The following CABCOCO1 variants were observed in gnomAD, a reference collection of about 807,000 sequenced individuals.
CABCOCO1 encodes the protein ciliary associated calcium binding coiled-coil 1.
A neutral mutation model predicts 35.7 loss-of-function variants in CABCOCO1; 28 were observed. The ratio of observed to expected loss-of-function variants is 0.78; its 90% CI spans 0.58 to 1.07. The LOEUF is 1.07. Ranked by LOEUF, CABCOCO1 falls within the 50% of genes least tolerant of loss-of-function variation. The probability of loss-of-function intolerance (pLI) is 0.00; values close to 1 mark genes in which losing one functional copy is unlikely to be tolerated. For synonymous variants in CABCOCO1, 95 were observed against 100.1 expected (o/e 0.95, Z 0.30); for missense variants, 326 against 309.2 (o/e 1.05, Z -0.41).
chr10:61,668,443 T>G (rs1372149629), intron 1 of CABCOCO1, among the ~76,000 whole-genome samples: 1 of 152,038 alleles, frequency 6.6e-6, no homozygotes, highest in African/African-American at 2.4e-5. Flanking sequence ...ACTACAAGTG[T>G]AAAACCATCT....
chr10:61,670,407 A>C (rs952712474), intron 1 of CABCOCO1, among the ~76,000 whole-genome samples: 4 of 152,076 alleles, frequency 2.6e-5, no homozygotes, highest in Non-Finnish European at 5.9e-5. Context: ...AGTTTAGATT[A>C]ATTGGCCCAC....
chr10:61,675,262 G>A (rs894052395), intron 2 of CABCOCO1, among the ~76,000 whole-genome samples: 2 of 152,038 alleles, frequency 1.3e-5, no homozygotes, highest in African/African-American at 4.8e-5. Flanking sequence ...AAAAGTTTAC[G>A]TATTTGCCAG....
chr10:61,764,220 G>T lies in CABCOCO1; in HGVS notation c.817-1719G>T, dbSNP rs138914334. ...CATAGAGGGACATTAATTGAAAGTGGGAAGAATCGATTGTTTGAGTGGCGC... is the reference window on the plus strand; with the variant it reads ...CATAGAGGGACATTAATTGAAAGTGTGAAGAATCGATTGTTTGAGTGGCGC... On this transcript the variant is annotated intron_variant, in intron 7 of 7. Coordinates refer to ENST00000648843, the MANE Select transcript of CABCOCO1 (RefSeq NM_001366906.2). Among the ~76,000 whole-genome samples, 522 of 152,020 alleles carry T rather than the reference G, an allele frequency of 3.4e-3. 1 individual carries two copies. Among genetic ancestry groups the T allele is most frequent in the Non-Finnish European group, 6.0e-3 (409 of 67,962 alleles).
At chr10:61,707,974 G>A (rs1185306774) in intron 5 of CABCOCO1, among the ~76,000 whole-genome samples, 1 of 151,844 alleles carries the variant, frequency 6.6e-6, no homozygotes, top group Non-Finnish European at 1.5e-5. Context: ...ACAAAATAAG[G>A]GGACTAATAT....
At chr10:61,728,688 A>C (rs1841221526) in intron 5 of CABCOCO1, among the ~76,000 whole-genome samples, 1 of 152,132 alleles carries the variant, frequency 6.6e-6, no homozygotes, top group Non-Finnish European at 1.5e-5. Context: ...AGAAATTTTG[A>C]CCAAGCTAAG....
intron 5 of CABCOCO1, among the ~76,000 whole-genome samples, chr10:61,749,595 C>T (rs532614726): frequency 2.6e-5 from 4 of 152,314 alleles, no homozygotes; most frequent in Admixed American, 6.5e-5. Context: ...CAGAGAATGC[C>T]TGCTTTCACA....
At chr10:61,760,262 T>C in intron 6 of CABCOCO1, 81 bp downstream of exon 6, 1 of 1,476,690 alleles carries the variant, frequency 6.8e-7, no homozygotes, top group South Asian at 1.3e-5. Flanking sequence ...CTAAATGTTT[T>C]CTTCATTTTC....
intron 5 of CABCOCO1, among the ~76,000 whole-genome samples, chr10:61,724,942 C>T (rs1386325222): frequency 6.6e-6 from 1 of 152,042 alleles, no homozygotes; most frequent in African/African-American, 2.4e-5. Flanking sequence ...GCACATATAC[C>T]CTAGAACTTA....
intron 5 of CABCOCO1, among the ~76,000 whole-genome samples, chr10:61,710,933 T>A (rs900914142): frequency 1.1e-4 from 17 of 151,788 alleles, no homozygotes; most frequent in African/African-American, 4.1e-4. Context: ...ATGACCCAAA[T>A]GTATACTACA....
At chr10:61,746,045 T>C (rs184576864) in intron 5 of CABCOCO1, among the ~76,000 whole-genome samples, 1 of 152,328 alleles carries the variant, frequency 6.6e-6, no homozygotes, top group East Asian at 1.9e-4. Context: ...CAACATATAT[T>C]GGCTGAGTTA....
chr10:61,736,645 A>G (rs1245228077), intron 5 of CABCOCO1, among the ~76,000 whole-genome samples: 1 of 152,116 alleles, frequency 6.6e-6, no homozygotes, highest in Non-Finnish European at 1.5e-5. Context: ...GGTCCATGTA[A>G]ATTTCAAAAT....
intron 5 of CABCOCO1, among the ~76,000 whole-genome samples, chr10:61,720,214 A>G (rs1236035967): frequency 6.6e-6 from 1 of 152,110 alleles, no homozygotes; most frequent in Non-Finnish European, 1.5e-5. Context: ...AAGTTATTGA[A>G]CTTCAATTTT....
intron 5 of CABCOCO1, among the ~76,000 whole-genome samples, chr10:61,736,619 T>C (rs186415450): frequency 2.6e-4 from 40 of 152,328 alleles, no homozygotes; most frequent in Middle Eastern, 3.4e-3. Context: ...GCCTTGGCTA[T>C]TTGGGCTCTT....
At chr10:61,738,399 G>T (rs11816522) in intron 5 of CABCOCO1, among the ~76,000 whole-genome samples, 96,992 of 151,966 alleles carry the variant, frequency 0.64, 32,971 homozygotes, top group Middle Eastern at 0.84. Flanking sequence ...AATACTGTCA[G>T]GTCAAAGCTG....
rs567000770 is a variant in CABCOCO1, at chr10:61,675,144, C to A, written c.164+2409C>A. On this transcript the variant is annotated intron_variant, in intron 2 of 7. Transcript: ENST00000648843. Reference sequence around the variant, plus strand: ...TATCACCTATCATCACTATACCAAACTTCCTAAAACACAGTGAATCATCTT... The same window carrying A: ...TATCACCTATCATCACTATACCAAAATTCCTAAAACACAGTGAATCATCTT... 1.7e-3 allele frequency among the ~76,000 whole-genome samples: 261 copies of A among 152,266 alleles called. 3 individuals are homozygous for A. The highest frequency in any genetic ancestry group is 1.9e-3 in the Non-Finnish European group (126 of 68,010).
At chr10:61,674,628 T>A (rs1839454810) in intron 2 of CABCOCO1, among the ~76,000 whole-genome samples, 1 of 152,130 alleles carries the variant, frequency 6.6e-6, no homozygotes, top group African/African-American at 2.4e-5. Context: ...TGACAGAAAA[T>A]CATAGAGTCT....
intron 3 of CABCOCO1, chr10:61,685,052 A>T (rs1839913928): frequency 6.6e-6 from 1 of 152,202 alleles, no homozygotes; most frequent in African/African-American, 2.4e-5. Flanking sequence ...TTTACTTCTT[A>T]GTGGTGGCCA....
Position 61,716,175 on chromosome 10 carries a change from C to T in CABCOCO1, c.552+25554C>T, listed in dbSNP as rs1418616215. On this transcript the variant is annotated intron_variant, in intron 5 of 7. Coordinates refer to ENST00000648843, the MANE Select transcript of CABCOCO1 (RefSeq NM_001366906.2). ...TTCAATATATTTTTTTCTGTATTTC[C>T]TATAATGCCAAAACATGACAAGGAC... is the stretch of plus-strand genomic sequence containing the variant. Among the ~76,000 whole-genome samples, 3 of 151,746 alleles carry T rather than the reference C, an allele frequency of 2.0e-5. No homozygotes were observed. In the East Asian group the frequency reaches 5.8e-4, roughly 29 times the overall value.
At chr10:61,753,646 G>A (rs1216164527) in intron 5 of CABCOCO1, among the ~76,000 whole-genome samples, 1 of 152,136 alleles carries the variant, frequency 6.6e-6, no homozygotes, top group East Asian at 1.9e-4. Flanking sequence ...TAAAGAGAGT[G>A]ATAAATTGGG....
Sources: allele counts gnomAD v4.1 joint callset (sites outside exome capture counted in the v4.1 genomes callset), GRCh38; gene constraint gnomAD v4.1.1; transcripts MANE v1.5; gene names NCBI Gene and HGNC (gene_info 2026-07-23, HGNC 2026-07-21).